Variants in YY1 observed in about 807,000 individuals in gnomAD.
The protein encoded by YY1 is transcriptional repressor protein YY1.
A neutral mutation model predicts 35.6 loss-of-function variants in YY1; 2 were observed. The ratio of observed to expected loss-of-function variants is 0.06; its 90% confidence interval spans 0.02 to 0.18. The LOEUF (loss-of-function observed/expected upper bound fraction) is 0.18. Among genes scored for constraint, YY1 ranks in the 10% least tolerant of loss-of-function variants. The pLI is 1.00. For synonymous variants in YY1, 268 were observed against 238.9 expected, an observed-to-expected ratio of 1.12 and a Z score of -1.12; for missense variants, 322 against 573.4, an observed-to-expected ratio of 0.56 and a Z score of 4.48.
chr14:100,246,412 G>T (rs1890834515), intron 1 of YY1, among the ~76,000 whole-genome samples: 1 of 152,182 alleles, frequency 6.6e-6, no homozygotes, highest in South Asian at 2.1e-4. Context: ...CCCTCCCCTG[G>T]TGTGCCCAGG....
chr14:100,270,456 C>CAAAAA lies in YY1; in HGVS notation c.843-4228_843-4224dup, dbSNP rs34083329. Among the ~76,000 whole-genome samples the CAAAAA allele has an allele frequency of 8.0e-3, 783 of 98,054 alleles. 17 individuals are homozygous for CAAAAA. The highest frequency in any genetic ancestry group is 0.03 in the African/African-American group (747 of 25,188). 64.3% of individuals were successfully genotyped at this position (98,054 alleles called of 152,430 possible). A position where few individuals can be genotyped will look rare whatever the true frequency, so the allele number is the denominator to read the frequency against. ...TGAAACCCCGTCTCTACTAAAAATA[C>CAAAAA]AAAAAAAAAAAAAAAAAATAGCCAG... On this transcript the variant is annotated intron_variant, in intron 2 of 4. Transcript: ENST00000262238.
chr14:100,243,462 G>A (rs1161406325), intron 1 of YY1, among the ~76,000 whole-genome samples: 2 of 152,136 alleles, frequency 1.3e-5, no homozygotes, highest in Non-Finnish European at 2.9e-5. Flanking sequence ...TATTCCCCGA[G>A]GGTCTAGTTA....
chr14:100,252,838 G>C (rs906226026), intron 1 of YY1, among the ~76,000 whole-genome samples: 1 of 152,098 alleles, frequency 6.6e-6, no homozygotes, highest in Admixed American at 6.6e-5. Context: ...AGGAGTTCAA[G>C]ACTAGCCTGG....
Position 100,249,756 on chromosome 14 carries a change from T to TTTG in YY1, c.679+9835_679+9836insGTT, listed in dbSNP as rs1566771332. Among the ~76,000 whole-genome samples the TTTG allele has an allele frequency of 3.9e-3, 352 of 89,428 alleles. 1 individual carries two copies. Among genetic ancestry groups the TTTG allele is most frequent in the African/African-American group, 0.015 (294 of 19,434 alleles). The allele number at this position is 89,428 out of a possible 152,430, so 58.7% of individuals were successfully genotyped here. A position where few individuals can be genotyped will look rare whatever the true frequency, so the allele number is the denominator to read the frequency against. ...CAGATTTGCTACTTACCGTTTTTTT[T>TTTG]TTTGTTTGTTTTTGTTTTTGTTTTT... On this transcript the variant is annotated intron_variant, in intron 1 of 4. Transcript: ENST00000262238.
chr14:100,269,132 G>A (rs572481464), intron 2 of YY1, among the ~76,000 whole-genome samples: 4 of 152,170 alleles, frequency 2.6e-5, no homozygotes, highest in Non-Finnish European at 4.4e-5. Flanking sequence ...CATGTACTGC[G>A]TTGAGGGGTG....
chr14:100,248,220 A>T (rs962820382), intron 1 of YY1, among the ~76,000 whole-genome samples: 11 of 146,632 alleles, frequency 7.5e-5, no homozygotes, highest in Non-Finnish European at 1.6e-4. Flanking sequence ...GGTTCATACC[A>T]TTCTCCTGCC....
chr14:100,239,348 C>A lies in YY1; in HGVS notation c.104C>A (p.Thr35Asn), dbSNP rs776452688. ...EIEVETIPVE[T>N]IETTVVGEEE... The stretch of plus-strand genomic sequence containing the variant: ...GAGGTGGAGACCATCCCGGTGGAGA[C>A]CATCGAGACCACAGTGGTGGGCGAG... Residue 35 changes from threonine to asparagine, a missense_variant, in exon 1 of 5, where the codon ACC becomes AAC. Thr to Asn is a moderately conservative substitution (Grantham distance 65). Around this residue, in one of 4 missense-constraint regions of YY1, gnomAD observed 137 missense variants for 167.0 expected, o/e 0.82. Coordinates refer to ENST00000262238, the MANE Select transcript of YY1 (RefSeq NM_003403.5). 1 of 1,604,322 alleles carries A rather than the reference C, an allele frequency of 6.2e-7. No individual in the cohort carries two copies. The highest frequency in any genetic ancestry group is 8.5e-7 in the Non-Finnish European group (1 of 1,176,158).
chr14:100,266,181 C>T (rs1273468334), intron 2 of YY1, among the ~76,000 whole-genome samples: 3 of 152,040 alleles, frequency 2.0e-5, no homozygotes, highest in Non-Finnish European at 4.4e-5. Flanking sequence ...CCCCCGGGTC[C>T]CACCTACAAC....
intron 2 of YY1, among the ~76,000 whole-genome samples, chr14:100,267,438 G>A (rs565442382): frequency 2.2e-4 from 34 of 152,218 alleles, no homozygotes; most frequent in Non-Finnish European, 3.7e-4. Context: ...AATCTTGCTC[G>A]CCTTGACAGT....
Position 100,276,809 on chromosome 14 carries a change from T to C in YY1, c.1062+161T>C. 1.0e-6 allele frequency: 1 copy of C among 997,884 alleles called. No homozygotes were observed. Among genetic ancestry groups the C allele is most frequent in the South Asian group, 1.4e-5 (1 of 69,958 alleles). 61.8% of individuals were successfully genotyped at this position (997,884 alleles called of 1,614,324 possible). On this transcript the variant is annotated intron_variant, in intron 4 of 4. Transcript: ENST00000262238. The surrounding 1 kb of genome is among the most constrained non-coding windows in gnomAD (Gnocchi z 4.1). ...TCTCCTGGGGAGTCGCTTAGAAGGG[T>C]TGCCGGGGCTCTGGACATCCTTGTC...
At chr14:100,262,156 GT>G (rs1891093900) in intron 1 of YY1, 147 bp from the exon 2 acceptor site, 8 of 794,870 alleles carry the variant, frequency 1.0e-5, no homozygotes, top group Non-Finnish European at 1.6e-5. Context: ...GAGTGAGACC[GT>G]TCTCCAAAAA....
At chr14:100,253,236 C>T (rs537664025) in intron 1 of YY1, among the ~76,000 whole-genome samples, 3 of 152,244 alleles carry the variant, frequency 2.0e-5, no homozygotes, top group Admixed American at 6.5e-5. Flanking sequence ...CATGTTTTAC[C>T]TAGATGTACA....
At chr14:100,262,580 T>A in intron 2 of YY1, 114 bp downstream of exon 2, 1 of 1,179,378 alleles carries the variant, frequency 8.5e-7, no homozygotes, top group Non-Finnish European at 1.2e-6. Flanking sequence ...TCTAGGGAAA[T>A]TCCTGAAAAC....
chr14:100,259,039 T>C (rs1891043639), intron 1 of YY1, among the ~76,000 whole-genome samples: 1 of 152,232 alleles, frequency 6.6e-6, no homozygotes, highest in African/African-American at 2.4e-5. Flanking sequence ...TTAACACTGG[T>C]GGAAAGGTAA....
intron 2 of YY1, among the ~76,000 whole-genome samples, chr14:100,267,663 A>G (rs2139595125): frequency 6.6e-6 from 1 of 152,150 alleles, no homozygotes; most frequent in Non-Finnish European, 1.5e-5. Flanking sequence ...AGCTGGGACT[A>G]CAGGTGCCCG....
intron 2 of YY1, among the ~76,000 whole-genome samples, chr14:100,265,899 G>A (rs1249615439): frequency 6.6e-6 from 1 of 151,872 alleles, no homozygotes; most frequent in Non-Finnish European, 1.5e-5. Flanking sequence ...CACCCGCCTC[G>A]GCCTCCCAAA....
At chr14:100,263,521 T>A (rs2139590911) in intron 2 of YY1, among the ~76,000 whole-genome samples, 1 of 152,294 alleles carries the variant, frequency 6.6e-6, no homozygotes, top group African/African-American at 2.4e-5. Context: ...GTTTGGCAGT[T>A]TGTACAAGGA....
intron 2 of YY1, among the ~76,000 whole-genome samples, chr14:100,274,070 A>G (rs1016994205): frequency 3.9e-5 from 6 of 152,168 alleles, no homozygotes; most frequent in African/African-American, 1.4e-4. Flanking sequence ...TCTCTCCCCA[A>G]AGTAACTGGT....
chr14:100,251,623 G>A (rs1466450096), intron 1 of YY1, among the ~76,000 whole-genome samples: 1 of 152,154 alleles, frequency 6.6e-6, no homozygotes, highest in African/African-American at 2.4e-5. Context: ...AAACCTAGGA[G>A]AGGGGGGAAG....
Sources: allele counts gnomAD v4.1 joint callset (sites outside exome capture counted in the v4.1 genomes callset), GRCh38; gene constraint gnomAD v4.1.1; regional missense constraint gnomAD v4.1.1; non-coding constraint Gnocchi (gnomAD v3.1); transcripts MANE v1.5; gene names NCBI Gene and HGNC (gene_info 2026-07-23, HGNC 2026-07-21).